The following SNRPN variants were observed in gnomAD, a reference collection of about 807,000 sequenced individuals.
SNRPN encodes the protein small nuclear ribonucleoprotein polypeptide N, also known as small nuclear ribonucleoprotein-associated protein N.
SNRPN carries 7 observed loss-of-function variants against 25.2 expected under a neutral mutation model. The observed-to-expected ratio is 0.28, with a 90% CI of 0.16 to 0.52. The LOEUF (loss-of-function observed/expected upper bound fraction) is 0.52, where lower values mean the gene tolerates loss of function less well. Ranked by LOEUF, SNRPN falls within the 20% of genes least tolerant of loss-of-function variation. SNRPN has a pLI of 0.96. For synonymous variants in SNRPN, 124 were observed against 110.6 expected (o/e 1.12, Z -0.76); for missense variants, 196 against 322.5 (o/e 0.61, Z 3.00).
At chr15:24,856,365 G>C (rs2053384229), upstream of SNRPN, among the ~76,000 whole-genome samples, 1 of 152,312 alleles carries the variant, frequency 6.6e-6, no homozygotes, top group African/African-American at 2.4e-5. Flanking sequence ...TGGATTTTAT[G>C]AGATGTCAAC....
intron 1 of SNRPN, among the ~76,000 whole-genome samples, chr15:24,870,181 T>A (rs950360870): frequency 1.3e-5 from 2 of 152,136 alleles, no homozygotes; most frequent in Non-Finnish European, 2.9e-5. Flanking sequence ...TTGTGTTTAT[T>A]TCGTGCCCAA....
chr15:24,932,836 A>G (rs150377847), intron 3 of SNRPN, among the ~76,000 whole-genome samples: 5,841 of 151,800 alleles, frequency 0.038, 365 homozygotes, highest in African/African-American at 0.13. Context: ...TTTAGTAGAG[A>G]TGGGGTTTCA....
chr15:24,929,621 C>G lies in SNRPN; in HGVS notation c.-391+9497C>G, dbSNP rs1439724247. Among the ~76,000 whole-genome samples the G allele has an allele frequency of 6.6e-6, 1 of 151,946 alleles. No homozygotes were observed. Among genetic ancestry groups the G allele is most frequent in the Non-Finnish European group, 1.5e-5 (1 of 68,004 alleles). ...TGGGTGGCAGAAATGGCCCAGGGCC[C>G]TGGGCTGAGACCCAGCCAACTCTCT... is the stretch of plus-strand genomic sequence containing the variant. On this transcript the variant is annotated intron_variant, in intron 3 of 11. Coordinates refer to the SNRPN transcript ENST00000400097. This position sits in a 1 kb window ranked among gnomAD's most constrained non-coding sequence, Gnocchi z 5.3.
intron 2 of SNRPN, among the ~76,000 whole-genome samples, chr15:24,838,551 G>A (rs544710778): frequency 2.0e-5 from 3 of 152,098 alleles, no homozygotes; most frequent in South Asian, 2.1e-4. Context: ...TACGAGATTC[G>A]TTCCCACCTG....
chr15:24,935,272 C>CAAAAA (rs991716798), intron 3 of SNRPN, among the ~76,000 whole-genome samples: 4 of 133,674 alleles, frequency 3.0e-5, no homozygotes, highest in African/African-American at 1.1e-4. Context: ...ACTTTGTCTC[C>CAAAAA]AAAAAAAAAA....
Position 24,871,224 on chromosome 15 carries a change from G to A in SNRPN, c.-579+14508G>A, listed in dbSNP as rs546702330. On this transcript the variant is annotated intron_variant, in intron 1 of 11. Transcript: ENST00000400097. The stretch of plus-strand genomic sequence containing the variant: ...ATATTTTTAATTTCCGTACATTTAG[G>A]TTCACTGTTTGTATTATAAAGTTAT... Among the ~76,000 whole-genome samples, 14 of 151,838 alleles carry A rather than the reference G, an allele frequency of 9.2e-5. No individual in the cohort carries two copies. The South Asian group carries it at 1.5e-3, about 16-fold the overall frequency.
In SNRPN at chr15:24,918,735, CATATATATA is replaced by C. The variant is rs2059769878; in HGVS notation, c.-504-1274_-504-1266del. 2.3e-5 allele frequency among the ~76,000 whole-genome samples: 2 copies of C among 85,188 alleles called. 1 individual carries two copies. Among genetic ancestry groups the C allele is most frequent in the Non-Finnish European group, 4.3e-5 (2 of 46,146 alleles). The allele number at this position is 85,188 out of a possible 152,430, so 55.9% of individuals were successfully genotyped here. A position where few individuals can be genotyped will look rare whatever the true frequency, so the allele number is the denominator to read the frequency against. ...ATATATAACATAATATATATGTGTG[CATATATATA>C]ACATAATATATATGTGTGCATATAT... On this transcript the variant is annotated intron_variant, in intron 2 of 11. Transcript: ENST00000400097.
In SNRPN at chr15:24,971,144, A is replaced by G. The variant is rs531524536; in HGVS notation, c.-144+3062A>G. ...ATTTACATTTTTATGTAGTTTAATC[A>G]TTTGAAAGTCTACAGTTTCCTAAAG... is the stretch of plus-strand genomic sequence containing the variant. On this transcript the variant is annotated intron_variant, in intron 3 of 9. Transcript: ENST00000390687. Among the ~76,000 whole-genome samples, 195 of 152,252 alleles carry G rather than the reference A, an allele frequency of 1.3e-3. 1 individual carries two copies. Among genetic ancestry groups the G allele is most frequent in the Non-Finnish European group, 2.1e-3 (142 of 68,020 alleles).
At chr15:24,954,955 G>A (rs962393038), upstream of SNRPN, 14 of 1,575,500 alleles carry the variant, frequency 8.9e-6, no homozygotes, top group Non-Finnish European at 1.1e-5. Flanking sequence ...GGGGATGTGT[G>A]CGAAGCCTGC....
chr15:24,905,625 G>A (rs1416850264), intron 2 of SNRPN, among the ~76,000 whole-genome samples: 2 of 152,122 alleles, frequency 1.3e-5, no homozygotes, highest in East Asian at 3.8e-4. Context: ...GTTGGGACTT[G>A]GTAGAAGATA....
chr15:24,904,892 G>A lies in SNRPN; in HGVS notation c.-504-15119G>A, dbSNP rs1440513940. Among the ~76,000 whole-genome samples the A allele has an allele frequency of 7.2e-4, 101 of 139,660 alleles. 2 individuals are homozygous for A. Among genetic ancestry groups the A allele is most frequent in the African/African-American group, 2.6e-3 (96 of 37,154 alleles). The allele number at this position is 139,660 out of a possible 152,430, so 91.6% of individuals were successfully genotyped here. A position where few individuals can be genotyped will look rare whatever the true frequency, so the allele number is the denominator to read the frequency against. On this transcript the variant is annotated intron_variant, in intron 2 of 11. Transcript: ENST00000400097. ...CGGGAAGTGGAGCTTGCAGTGAGCC[G>A]AGATCGCGCCACTGCACTCCAGCCT...
chr15:24,873,178 A>AG lies in SNRPN; in HGVS notation c.-578-13337dup, dbSNP rs200390131. Among the ~76,000 whole-genome samples, 1,017 of 118,812 alleles carry AG rather than the reference A, an allele frequency of 8.6e-3. 268 individuals carry two copies. Among genetic ancestry groups the AG allele is most frequent in the East Asian group, 0.022 (72 of 3,318 alleles). The allele number at this position is 118,812 out of a possible 152,430, so 77.9% of individuals were successfully genotyped here. On this transcript the variant is annotated intron_variant, in intron 1 of 11. Transcript: ENST00000400097. ...ACTCCCGCCTTGCCCGCAAAAAAAA[A>AG]GCAACAGGGATTCCCATAGCACAAC...
At chr15:24,867,338 A>G (rs2148408418) in intron 1 of SNRPN, among the ~76,000 whole-genome samples, 1 of 151,582 alleles carries the variant, frequency 6.6e-6, no homozygotes. Context: ...TTTGATTTTA[A>G]TTTACATTTC....
intron 2 of SNRPN, among the ~76,000 whole-genome samples, chr15:24,845,429 C>G (rs1304039441): frequency 6.6e-6 from 1 of 152,082 alleles, no homozygotes; most frequent in Non-Finnish European, 1.5e-5. Context: ...GAAACCCCAT[C>G]TCTACTAAAA....
intron 1 of SNRPN, among the ~76,000 whole-genome samples, chr15:24,876,031 GCA>G (rs2055829518): frequency 1.3e-5 from 2 of 149,710 alleles, no homozygotes; most frequent in Non-Finnish European, 3.0e-5. Flanking sequence ...TCCAGCTTGG[GCA>G]GCAGAGTGAT....
intron 2 of SNRPN, among the ~76,000 whole-genome samples, chr15:24,838,983 G>T (rs2051451306): frequency 6.6e-6 from 1 of 151,912 alleles, no homozygotes; most frequent in African/African-American, 2.4e-5. Flanking sequence ...ACTTTGAAGA[G>T]AAAAGGAAAA....
chr15:24,930,801 A>AG (rs1294755315), intron 3 of SNRPN, among the ~76,000 whole-genome samples: 1 of 151,718 alleles, frequency 6.6e-6, no homozygotes, highest in Non-Finnish European at 1.5e-5. Flanking sequence ...CGGGAGGCTG[A>AG]GGCAGGAGAA....
chr15:24,952,300 T>C (rs1036135608), upstream of SNRPN, among the ~76,000 whole-genome samples: 1 of 152,178 alleles, frequency 6.6e-6, no homozygotes, highest in Non-Finnish European at 1.5e-5. Flanking sequence ...CTGTACAGAA[T>C]AGTTTTATTG....
At chr15:24,881,067 TA>T (rs887005081) in intron 1 of SNRPN, among the ~76,000 whole-genome samples, 6 of 151,644 alleles carry the variant, frequency 4.0e-5, no homozygotes, top group African/African-American at 1.2e-4. Flanking sequence ...TTTTATGAAC[TA>T]AAAAAAAATT....
Sources: allele counts gnomAD v4.1 joint callset (sites outside exome capture counted in the v4.1 genomes callset), GRCh38; gene constraint gnomAD v4.1.1; non-coding constraint Gnocchi (gnomAD v3.1); transcripts MANE v1.5; gene names NCBI Gene and HGNC (gene_info 2026-07-23, HGNC 2026-07-21).